MYRFL: variants seen among roughly 807,000 people sequenced by gnomAD.
MYRFL encodes the protein myelin regulatory factor like.
Under a neutral mutation model 109.4 loss-of-function variants are expected in MYRFL, and 88 were observed. The ratio of observed to expected loss-of-function variants is 0.80; its 90% confidence interval spans 0.68 to 0.96. The LOEUF (loss-of-function observed/expected upper bound fraction) is 0.96, where lower values mean the gene tolerates loss of function less well. Among genes scored for constraint, MYRFL ranks in the 40% least tolerant of loss-of-function variants. The pLI, the probability that MYRFL is intolerant of heterozygous loss-of-function variation, is 0.00. For missense variants in MYRFL, 957 were observed against 954.9 expected (o/e 1.00, Z -0.03); for synonymous variants, 324 against 320.9 (o/e 1.01, Z -0.10).
At position 69,910,859 on chromosome 12, in the gene MYRFL, G is replaced by T; in HGVS notation, c.1531G>T (p.Ala511Ser). ...GGAGGTGCAAGAAATCCTGCCCAGA[G>T]CAGTAAGAGAGGTTGGTGATGTCAC... ...AQEVQEILPR[A>S]VREVGDVTCG... The change falls in exon 13 of 25, where the codon GCA (alanine) becomes TCA (serine). Residue 511 changes from alanine to serine, a missense_variant. Transcript: ENST00000552032. 1 of 1,535,354 alleles carries T rather than the reference G, an allele frequency of 6.5e-7. No individual in the cohort carries two copies. The highest frequency in any genetic ancestry group is 8.7e-7 in the Non-Finnish European group (1 of 1,146,370).
intron 13 of MYRFL, among the ~76,000 whole-genome samples, chr12:69,921,229 C>G (rs1954900789): frequency 6.6e-6 from 1 of 151,962 alleles, no homozygotes; most frequent in Non-Finnish European, 1.5e-5. Flanking sequence ...TTTTGTAGAG[C>G]TGGGGTCTCT....
intron 11 of MYRFL, among the ~76,000 whole-genome samples, chr12:69,906,600 C>T (rs1323343027): frequency 1.3e-5 from 2 of 152,164 alleles, no homozygotes; most frequent in African/African-American, 4.8e-5. Flanking sequence ...TGCTCAAAGG[C>T]TGTTTTGATT....
chr12:69,869,044 T>C (rs1885188402), intron 2 of MYRFL, among the ~76,000 whole-genome samples: 1 of 152,228 alleles, frequency 6.6e-6, no homozygotes, highest in Admixed American at 6.5e-5. Context: ...GACATATTCT[T>C]AATGTGAAAG....
intron 2 of MYRFL, among the ~76,000 whole-genome samples, chr12:69,877,414 G>A (rs890934019): frequency 3.3e-5 from 5 of 152,054 alleles, no homozygotes; most frequent in South Asian, 2.1e-4. Context: ...TGACTCCTGC[G>A]TCCTGGGCTT....
At chr12:69,943,278 A>G (rs1228259850) in intron 19 of MYRFL, among the ~76,000 whole-genome samples, 1 of 150,964 alleles carries the variant, frequency 6.6e-6, no homozygotes, top group Non-Finnish European at 1.5e-5. Context: ...CCTGACTTCA[A>G]ACTATACTAC....
At chr12:69,892,355 T>C (rs746013587) in intron 7 of MYRFL, among the ~76,000 whole-genome samples, 1 of 152,218 alleles carries the variant, frequency 6.6e-6, no homozygotes, top group Non-Finnish European at 1.5e-5. Flanking sequence ...TGTAACTTCA[T>C]ATCCAGTTCC....
chr12:69,891,190 T>G, intron 7 of MYRFL, 24 bp downstream of exon 7: 8 of 1,419,996 alleles, frequency 5.6e-6, no homozygotes, highest in Non-Finnish European at 7.4e-6. Context: ...TTAGTTCAGT[T>G]TATATCAGTC....
At chr12:69,912,206 C>T (rs1954592911) in intron 13 of MYRFL, among the ~76,000 whole-genome samples, 1 of 152,178 alleles carries the variant, frequency 6.6e-6, no homozygotes, top group South Asian at 2.1e-4. Flanking sequence ...AGAAGCAATT[C>T]TTCAGTCTCT....
intron 10 of MYRFL, among the ~76,000 whole-genome samples, chr12:69,899,592 C>T (rs1954117736): frequency 6.6e-6 from 1 of 152,202 alleles, no homozygotes; most frequent in Non-Finnish European, 1.5e-5. Context: ...TGCATTTAAG[C>T]AAATCCAGAC....
chr12:69,887,087 G>C, intron 6 of MYRFL, 117 bp downstream of exon 6: 1 of 1,070,550 alleles, frequency 9.3e-7, no homozygotes, highest in Non-Finnish European at 1.3e-6. Context: ...AAATCAGTGA[G>C]AAAGTGTCTG....
chr12:69,929,568 G>T (rs1310425280), intron 15 of MYRFL, among the ~76,000 whole-genome samples: 4 of 152,230 alleles, frequency 2.6e-5, no homozygotes, highest in African/African-American at 9.6e-5. Context: ...GGAGTTGTTT[G>T]TTTAGGGAAG....
intron 21 of MYRFL, among the ~76,000 whole-genome samples, chr12:69,953,667 A>T (rs1956032256): frequency 6.6e-6 from 1 of 151,786 alleles, no homozygotes; most frequent in South Asian, 2.1e-4. Flanking sequence ...GTCCCAGCTA[A>T]TTGGTGGGAG....
chr12:69,896,929 G>A (rs10879035), intron 9 of MYRFL, among the ~76,000 whole-genome samples: 48,245 of 152,010 alleles, frequency 0.32, 7,915 homozygotes, highest in African/African-American at 0.36. Flanking sequence ...ACAGCTCACA[G>A]ATACCACCAA....
intron 2 of MYRFL, among the ~76,000 whole-genome samples, chr12:69,864,636 T>TACAC (rs889705175): frequency 3.8e-5 from 3 of 78,302 alleles, no homozygotes; most frequent in African/African-American, 1.4e-4. Flanking sequence ...TCAAGGAAGT[T>TACAC]ACACACACAC....
At chr12:69,869,533 A>T (rs1278334504) in intron 2 of MYRFL, among the ~76,000 whole-genome samples, 1 of 152,154 alleles carries the variant, frequency 6.6e-6, no homozygotes, top group Non-Finnish European at 1.5e-5. Context: ...TGATATATGG[A>T]TTTATATATA....
intron 1 of MYRFL, among the ~76,000 whole-genome samples, chr12:69,853,360 A>G (rs1300974500): frequency 8.4e-6 from 1 of 119,142 alleles, no homozygotes; most frequent in Non-Finnish European, 1.7e-5. Flanking sequence ...TTCCCAGATG[A>G]AGCGGCTGCC....
At chr12:69,830,301 G>C (rs1006854996) in intron 1 of MYRFL, among the ~76,000 whole-genome samples, 1 of 151,088 alleles carries the variant, frequency 6.6e-6, no homozygotes, top group Non-Finnish European at 1.5e-5. Context: ...AATATATAGA[G>C]AGATAATGTA....
intron 13 of MYRFL, among the ~76,000 whole-genome samples, chr12:69,922,459 A>T (rs959227401): frequency 6.6e-6 from 1 of 152,180 alleles, no homozygotes; most frequent in African/African-American, 2.4e-5. Flanking sequence ...TTAATGAAAA[A>T]TTTCAAATGT....
chr12:69,932,064 T>C (rs931393315), intron 15 of MYRFL, among the ~76,000 whole-genome samples: 1 of 152,226 alleles, frequency 6.6e-6, no homozygotes, highest in Non-Finnish European at 1.5e-5. Flanking sequence ...TAAAAACCTT[T>C]TTCATAATTT....
Sources: allele counts gnomAD v4.1 joint callset (sites outside exome capture counted in the v4.1 genomes callset), GRCh38; gene constraint gnomAD v4.1.1; transcripts MANE v1.5; gene names NCBI Gene and HGNC (gene_info 2026-07-23, HGNC 2026-07-21).